The following MACROD2 variants were observed in gnomAD, a reference collection of about 807,000 sequenced individuals.
MACROD2 encodes ADP-ribose glycohydrolase MACROD2.
In MACROD2, 36 loss-of-function variants were observed where a neutral mutation model predicts 70.4. The observed-to-expected ratio is 0.51, with a 90% CI of 0.39 to 0.68. The LOEUF is 0.68. Among genes scored for constraint, MACROD2 ranks in the 30% least tolerant of loss-of-function variants. The pLI, the probability that MACROD2 is intolerant of heterozygous loss-of-function variation, is 0.00. For missense variants in MACROD2, 496 were observed against 538.4 expected (o/e 0.92, Z 0.78); for synonymous variants, 172 against 178.8 (o/e 0.96, Z 0.30).
intron 2 of MACROD2, among the ~76,000 whole-genome samples, chr20:14,051,442 G>A (rs1050536983): frequency 2.0e-5 from 3 of 152,016 alleles, no homozygotes; most frequent in African/African-American, 4.8e-5. Flanking sequence ...ATTCCTGGAC[G>A]TTTACAGAAG....
chr20:15,964,922 A>C, intron 12 of MACROD2, among the ~76,000 whole-genome samples: 1 of 152,288 alleles, frequency 6.6e-6, no homozygotes, highest in East Asian at 1.9e-4. Context: ...TCTGGAGCAA[A>C]GTTTCACATA....
At chr20:15,835,377 C>T (rs1175841717) in intron 8 of MACROD2, among the ~76,000 whole-genome samples, 1 of 151,970 alleles carries the variant, frequency 6.6e-6, no homozygotes, top group Admixed American at 6.6e-5. Context: ...AATGGGTTTG[C>T]CATTGAAATC....
intron 3 of MACROD2, among the ~76,000 whole-genome samples, chr20:14,136,553 A>T (rs1354351835): frequency 6.6e-6 from 1 of 152,148 alleles, no homozygotes; most frequent in Non-Finnish European, 1.5e-5. Flanking sequence ...CGGTGCCTGG[A>T]CCAGCAGCAT....
intron 3 of MACROD2, among the ~76,000 whole-genome samples, chr20:14,222,518 G>A (rs1014958390): frequency 4.6e-5 from 7 of 151,962 alleles, no homozygotes; most frequent in African/African-American, 1.7e-4. Flanking sequence ...TGGATGACTG[G>A]GAGTTACTTA....
intron 10 of MACROD2, among the ~76,000 whole-genome samples, chr20:15,919,136 A>T (rs996783275): frequency 7.2e-5 from 11 of 152,334 alleles, no homozygotes; most frequent in Admixed American, 2.0e-4. Flanking sequence ...ATTTATCCAA[A>T]AAAAAGAACA....
chr20:15,622,179 T>C (rs895271204), intron 8 of MACROD2, among the ~76,000 whole-genome samples: 12 of 152,236 alleles, frequency 7.9e-5, no homozygotes, highest in Non-Finnish European at 1.3e-4. Flanking sequence ...GTTTGGCTAA[T>C]GGTTCATAGT....
intron 5 of MACROD2, among the ~76,000 whole-genome samples, chr20:14,926,168 G>T (rs1309580886): frequency 6.6e-6 from 1 of 150,862 alleles, no homozygotes; most frequent in Non-Finnish European, 1.5e-5. Context: ...TGCAGAGTTT[G>T]TTTGTTTGTT....
At chr20:14,405,689 A>G (rs1206824032) in intron 3 of MACROD2, among the ~76,000 whole-genome samples, 1 of 152,158 alleles carries the variant, frequency 6.6e-6, no homozygotes, top group Non-Finnish European at 1.5e-5. Flanking sequence ...GGCCTATGTG[A>G]CTGGTTTTTT....
intron 8 of MACROD2, among the ~76,000 whole-genome samples, chr20:15,667,622 T>C (rs1260789525): frequency 6.6e-6 from 1 of 152,172 alleles, no homozygotes; most frequent in Non-Finnish European, 1.5e-5. Context: ...CATAGTATCA[T>C]TATTATACCC....
intron 13 of MACROD2, among the ~76,000 whole-genome samples, chr20:15,967,978 G>T (rs533591791): frequency 1.2e-4 from 19 of 152,252 alleles, no homozygotes; most frequent in African/African-American, 4.6e-4. Flanking sequence ...AAATGCAGGG[G>T]ATTAAATCCA....
chr20:14,040,671 A>T (rs2053378813), intron 2 of MACROD2, among the ~76,000 whole-genome samples: 1 of 152,156 alleles, frequency 6.6e-6, no homozygotes, highest in South Asian at 2.1e-4. Flanking sequence ...TTACTATATG[A>T]CTTTATAACC....
chr20:15,676,876 A>G (rs1020392188), intron 8 of MACROD2, among the ~76,000 whole-genome samples: 3 of 152,238 alleles, frequency 2.0e-5, no homozygotes, highest in Non-Finnish European at 2.9e-5. Flanking sequence ...TGATAAATAA[A>G]GAGAGCCAGT....
chr20:14,601,719 G>A (rs1438337971), intron 4 of MACROD2, among the ~76,000 whole-genome samples: 4 of 152,052 alleles, frequency 2.6e-5, no homozygotes, highest in Non-Finnish European at 5.9e-5. Flanking sequence ...TCATAACTTA[G>A]CACTGGAAAT....
rs141213986 is a variant in MACROD2 at position 15,764,483 on chromosome 20, C to T, written c.646-98262C>T. Among the ~76,000 whole-genome samples the T allele has an allele frequency of 4.7e-3, 719 of 152,248 alleles. 9 individuals carry two copies. Among genetic ancestry groups the T allele is most frequent in the African/African-American group, 0.016 (667 of 41,540 alleles). The stretch of plus-strand genomic sequence containing the variant: ...CAAACCTGTTTTGCCCAGCCTTTCC[C>T]GCCATCATAAATGGCCTCACCATTC... On this transcript the variant is annotated intron_variant, in intron 8 of 17. Coordinates refer to ENST00000684519, the MANE Select transcript of MACROD2 (RefSeq NM_001351661.2).
chr20:14,892,469 C>CA (rs1259194387), intron 5 of MACROD2, among the ~76,000 whole-genome samples: 3 of 151,932 alleles, frequency 2.0e-5, no homozygotes, highest in Non-Finnish European at 4.4e-5. Flanking sequence ...CTCAAAAAAA[C>CA]AAAAAATCTA....
rs200168813 is a variant in MACROD2 at position 15,481,529 on chromosome 20, GAGAT to G, written c.572-18243_572-18240del. Among the ~76,000 whole-genome samples, 384 of 152,268 alleles carry G rather than the reference GAGAT, an allele frequency of 2.5e-3. 16 individuals are homozygous for G. The highest frequency in any genetic ancestry group is 0.022 in the Admixed American group (331 of 15,286). Reference sequence around the variant, plus strand: ...TACCTACACATGTACACAATAGAGAGAGATAATCTCAAATATGAATGGTACTGCT... The same window carrying G: ...TACCTACACATGTACACAATAGAGAGAATCTCAAATATGAATGGTACTGCT... On this transcript the variant is annotated intron_variant, in intron 7 of 17. Transcript: ENST00000684519.
At chr20:14,395,501 A>T (rs531283849) in intron 3 of MACROD2, among the ~76,000 whole-genome samples, 2 of 152,066 alleles carry the variant, frequency 1.3e-5, no homozygotes, top group Non-Finnish European at 2.9e-5. Context: ...TCAGTTGGCT[A>T]GAAATTTACC....
At chr20:15,073,914 A>C (rs1357534170) in intron 5 of MACROD2, among the ~76,000 whole-genome samples, 1 of 152,162 alleles carries the variant, frequency 6.6e-6, no homozygotes, top group Non-Finnish European at 1.5e-5. Flanking sequence ...AAAATGATGT[A>C]CTTTTAGAAT....
intron 4 of MACROD2, among the ~76,000 whole-genome samples, chr20:14,627,405 T>C (rs1218407788): frequency 6.6e-6 from 1 of 152,102 alleles, no homozygotes; most frequent in Non-Finnish European, 1.5e-5. Context: ...GATGAGCCCA[T>C]TGTGAAGGGT....
Sources: allele counts gnomAD v4.1 joint callset (sites outside exome capture counted in the v4.1 genomes callset), GRCh38; gene constraint gnomAD v4.1.1; transcripts MANE v1.5; gene names NCBI Gene and HGNC (gene_info 2026-07-23, HGNC 2026-07-21).